Variants in PAPPA observed in about 807,000 individuals in gnomAD.
The protein encoded by PAPPA is pappalysin-1.
Under a neutral mutation model 164.0 loss-of-function variants are expected in PAPPA, and 60 were observed. That is an observed-to-expected ratio of 0.37 (90% CI 0.30 to 0.45). The LOEUF is 0.45. Ranked by LOEUF, PAPPA falls within the 20% of genes least tolerant of loss-of-function variation. The pLI is 1.00. For missense variants in PAPPA, 1,782 were observed against 2,087.3 expected (o/e 0.85, Z 2.85); for synonymous variants, 875 against 814.1 (o/e 1.07, Z -1.27).
chr9:116,365,189 T>A (rs1327431638), intron 18 of PAPPA, among the ~76,000 whole-genome samples: 3 of 152,062 alleles, frequency 2.0e-5, no homozygotes, highest in African/African-American at 7.2e-5. Flanking sequence ...GGGTGAGATA[T>A]GTGTCGGGCT....
intron 9 of PAPPA, among the ~76,000 whole-genome samples, chr9:116,278,590 A>G (rs1007766407): frequency 1.3e-5 from 2 of 151,998 alleles, no homozygotes; most frequent in Non-Finnish European, 2.9e-5. Context: ...ATGGAGGGTC[A>G]TTCTGTATTT....
intron 10 of PAPPA, among the ~76,000 whole-genome samples, chr9:116,327,590 A>G (rs1187882301): frequency 3.3e-4 from 1 of 3,066 alleles, no homozygotes; most frequent in Non-Finnish European, 0.023. Flanking sequence ...TGGAAGGTGA[A>G]AAAAAAAAAC....
chr9:116,314,502 T>C (rs543898176), intron 10 of PAPPA, among the ~76,000 whole-genome samples: 64 of 152,218 alleles, frequency 4.2e-4, no homozygotes, highest in Non-Finnish European at 7.8e-4. Context: ...TTTTGGATCA[T>C]ATTCTCCGTA....
chr9:116,379,151 C>G (rs953497262), intron 20 of PAPPA, among the ~76,000 whole-genome samples: 4 of 152,166 alleles, frequency 2.6e-5, no homozygotes, highest in Non-Finnish European at 5.9e-5. Flanking sequence ...CCCAAGAGAC[C>G]CTCACCTGTC....
At chr9:116,379,627 T>G (rs1465988447) in intron 20 of PAPPA, among the ~76,000 whole-genome samples, 1 of 152,264 alleles carries the variant, frequency 6.6e-6, no homozygotes. Flanking sequence ...TTGATAAAGT[T>G]TTGCACAAAT....
intron 1 of PAPPA, among the ~76,000 whole-genome samples, chr9:116,172,720 G>A (rs977124050): frequency 6.6e-6 from 1 of 152,094 alleles, no homozygotes; most frequent in Non-Finnish European, 1.5e-5. Context: ...CAGTTCCTCA[G>A]CATCTTTTAC....
chr9:116,314,672 G>T (rs1379228692), intron 10 of PAPPA, among the ~76,000 whole-genome samples: 1 of 152,124 alleles, frequency 6.6e-6, no homozygotes, highest in Non-Finnish European at 1.5e-5. Context: ...CAGGCAGTAT[G>T]GACCAACTTG....
rs57871796 is a variant in PAPPA, at chr9:116,314,060, C to CTTTTTTTTTTTTTTTTTT, written c.3147+11123_3147+11140dup. Among the ~76,000 whole-genome samples, 20 of 69,728 alleles carry CTTTTTTTTTTTTTTTTTT rather than the reference C, an allele frequency of 2.9e-4. 4 individuals carry two copies. Among genetic ancestry groups the CTTTTTTTTTTTTTTTTTT allele is most frequent in the South Asian group, 1.4e-3 (3 of 2,110 alleles). The allele number at this position is 69,728 out of a possible 152,430, so 45.7% of individuals were successfully genotyped here. A position where few individuals can be genotyped will look rare whatever the true frequency, so the allele number is the denominator to read the frequency against. Reference sequence around the variant, plus strand: ...ATTCAGTTCTGTCATTGCATCGAATCTTTTTTTTTTTTTTTTTTTTTTTTT... The same window carrying CTTTTTTTTTTTTTTTTTT: ...ATTCAGTTCTGTCATTGCATCGAATCTTTTTTTTTTTTTTTTTTTTTTTTTTTTTTTTTTTTTTTTTTT... On this transcript the variant is annotated intron_variant, in intron 10 of 21. Coordinates refer to ENST00000328252, the MANE Select transcript of PAPPA (RefSeq NM_002581.5).
chr9:116,184,283 GT>G (rs1480792020), intron 1 of PAPPA, among the ~76,000 whole-genome samples: 1 of 152,172 alleles, frequency 6.6e-6, no homozygotes, highest in African/African-American at 2.4e-5. Flanking sequence ...GAAGGAGTCA[GT>G]GGGGAGGCAG....
intron 1 of PAPPA, among the ~76,000 whole-genome samples, chr9:116,156,719 C>G (rs987243795): frequency 1.3e-5 from 2 of 152,182 alleles, no homozygotes; most frequent in African/African-American, 2.4e-5. Context: ...AAACACCTGG[C>G]TCTGAGCCAG....
chr9:116,170,512 G>A (rs1488736236), intron 1 of PAPPA, among the ~76,000 whole-genome samples: 1 of 152,008 alleles, frequency 6.6e-6, no homozygotes, highest in South Asian at 2.1e-4. Context: ...TGACCATGAA[G>A]CCACAAATCC....
chr9:116,369,751 C>A (rs973608543), intron 19 of PAPPA, among the ~76,000 whole-genome samples: 3 of 151,982 alleles, frequency 2.0e-5, no homozygotes, highest in African/African-American at 4.8e-5. Context: ...AGCTGCCCCC[C>A]CTCCCCACCA....
At position 116,286,615 on chromosome 9, in the gene PAPPA, T is replaced by C. The variant is rs1022126961; in HGVS notation, c.2953+15199T>C. On this transcript the variant is annotated intron_variant, in intron 9 of 21. Coordinates refer to ENST00000328252, the MANE Select transcript of PAPPA (RefSeq NM_002581.5). ...GTGGGCCTGCAGGCTGGGCCCAGCG[T>C]GTTCAATCACTTGCCAACAAAAACT... is the stretch of plus-strand genomic sequence containing the variant. 5 of 152,244 alleles carry C rather than the reference T, an allele frequency of 3.3e-5. No homozygotes were observed. In the East Asian group the frequency reaches 9.7e-4, roughly 29 times the overall value. The allele number at this position is 152,244 out of a possible 1,614,324, so 9.4% of individuals were successfully genotyped here. A position where few individuals can be genotyped will look rare whatever the true frequency, so the allele number is the denominator to read the frequency against.
At chr9:116,385,220 C>T (rs974831124) in intron 21 of PAPPA, among the ~76,000 whole-genome samples, 11 of 148,672 alleles carry the variant, frequency 7.4e-5, no homozygotes, top group East Asian at 2.0e-4. Flanking sequence ...GGTGACAAAA[C>T]GAGACTCCAT....
At chr9:116,355,584 G>A (rs149494274) in intron 17 of PAPPA, among the ~76,000 whole-genome samples, 174 of 152,330 alleles carry the variant, frequency 1.1e-3, no homozygotes, top group Non-Finnish European at 2.2e-3. Context: ...CTTGCAGGCT[G>A]ATCAGCTTCC....
chr9:116,323,044 G>T (rs1299424707), intron 10 of PAPPA, among the ~76,000 whole-genome samples: 4 of 152,158 alleles, frequency 2.6e-5, no homozygotes, highest in African/African-American at 7.2e-5. Flanking sequence ...AAACCTCATG[G>T]CATGTCCCCT....
chr9:116,216,824 T>A (rs111770362), intron 4 of PAPPA, among the ~76,000 whole-genome samples: 4 of 151,932 alleles, frequency 2.6e-5, no homozygotes, highest in Non-Finnish European at 1.5e-5. Context: ...TCACTGCAAC[T>A]TCTGCCTCCC....
At chr9:116,200,683 A>G (rs1440244440) in intron 2 of PAPPA, among the ~76,000 whole-genome samples, 2 of 152,200 alleles carry the variant, frequency 1.3e-5, no homozygotes, top group African/African-American at 4.8e-5. Flanking sequence ...TAATACCTTG[A>G]TAATGAAAAT....
chr9:116,394,485 C>T (rs1367675426), intron 21 of PAPPA, among the ~76,000 whole-genome samples: 1 of 152,192 alleles, frequency 6.6e-6, no homozygotes, highest in African/African-American at 2.4e-5. Flanking sequence ...TTTTGGCTTT[C>T]ATGATAGTAC....
Sources: gnomAD v4.1 joint callset for allele counts (sites outside exome capture counted in the v4.1 genomes callset) on GRCh38, gnomAD v4.1.1 for gene constraint, MANE v1.5 for transcripts, NCBI Gene and HGNC (gene_info 2026-07-23, HGNC 2026-07-21) for gene names.